DCBLD2: variants seen among roughly 807,000 people sequenced by gnomAD.
DCBLD2 encodes the protein discoidin, CUB and LCCL domain-containing protein 2.
A neutral mutation model predicts 86.8 loss-of-function variants in DCBLD2; 54 were observed. The ratio of observed to expected loss-of-function variants is 0.62; its 90% CI spans 0.50 to 0.78. The LOEUF (loss-of-function observed/expected upper bound fraction) is 0.78. Among genes scored for constraint, DCBLD2 ranks in the 30% least tolerant of loss-of-function variants. The pLI is 0.00. For synonymous variants in DCBLD2, 354 were observed against 341.3 expected, an observed-to-expected ratio of 1.04 and a Z score of -0.41; for missense variants, 908 against 954.2, an observed-to-expected ratio of 0.95 and a Z score of 0.64.
intron 3 of DCBLD2, among the ~76,000 whole-genome samples, chr3:98,846,139 T>C (rs1283358173): frequency 6.6e-6 from 1 of 152,330 alleles, no homozygotes; most frequent in East Asian, 1.9e-4. Context: ...ATTTTTATAA[T>C]GGGCTCTTGC....
chr3:98,855,548 AT>A (rs1177276471), intron 2 of DCBLD2, among the ~76,000 whole-genome samples: 5 of 152,308 alleles, frequency 3.3e-5, no homozygotes, highest in Non-Finnish European at 5.9e-5. Context: ...AAATTTTAAT[AT>A]TTTTTATGAA....
chr3:98,901,386 G>T lies in DCBLD2; in HGVS notation c.-60C>A. 3.2e-6 allele frequency: 4 copies of T among 1,262,874 alleles called. No homozygotes were observed. Among genetic ancestry groups the T allele is most frequent in the Non-Finnish European group, 4.0e-6 (4 of 1,009,812 alleles). 78.2% of individuals were successfully genotyped at this position (1,262,874 alleles called of 1,614,324 possible). A position where few individuals can be genotyped will look rare whatever the true frequency, so the allele number is the denominator to read the frequency against. ...TGCCTCGGCAGCCCCGCGCGCCTCT[G>T]GCCGCGGCACCCGACCAGGAGACGG... On this transcript the variant is annotated 5_prime_UTR_variant, in exon 1 of 16. Coordinates refer to ENST00000326840, the MANE Select transcript of DCBLD2 (RefSeq NM_080927.4).
chr3:98,897,972 AAAT>A (rs1188688379), intron 1 of DCBLD2, among the ~76,000 whole-genome samples: 28 of 152,114 alleles, frequency 1.8e-4, no homozygotes, highest in African/African-American at 6.8e-4. Context: ...ATACAATAGC[AAAT>A]ATGCTACCAG....
intron 3 of DCBLD2, among the ~76,000 whole-genome samples, chr3:98,839,204 CTTCTTTCT>C (rs1322347429): frequency 2.3e-5 from 3 of 131,316 alleles, no homozygotes; most frequent in South Asian, 2.3e-4. Flanking sequence ...TCCTTCCTTC[CTTCTTTCT>C]TTCCTTCTTT....
intron 2 of DCBLD2, among the ~76,000 whole-genome samples, chr3:98,862,931 G>T (rs920769032): frequency 3.3e-5 from 5 of 152,158 alleles, no homozygotes; most frequent in Non-Finnish European, 5.9e-5. Flanking sequence ...AAGTCAAATT[G>T]TCCCTGTTTG....
intron 3 of DCBLD2, among the ~76,000 whole-genome samples, chr3:98,838,880 A>G (rs906119477): frequency 6.6e-6 from 1 of 151,956 alleles, no homozygotes; most frequent in Non-Finnish European, 1.5e-5. Context: ...CCCCGTCTCC[A>G]CCAAAACCAG....
chr3:98,800,865 T>A, intron 14 of DCBLD2, 149 bp from the exon 15 acceptor site: 2 of 1,100,358 alleles, frequency 1.8e-6, no homozygotes, highest in Non-Finnish European at 1.3e-6. Context: ...TTTTTTTTTT[T>A]TTTTGCTGTG....
At chr3:98,828,690 A>G (rs1480871511) in intron 3 of DCBLD2, among the ~76,000 whole-genome samples, 1 of 152,208 alleles carries the variant, frequency 6.6e-6, no homozygotes, top group African/African-American at 2.4e-5. Context: ...TGACCCAGAA[A>G]TCTCACTCCT....
Position 98,901,449 on chromosome 3 carries a change from A to G in DCBLD2, c.-123T>C, listed in dbSNP as rs1014892682. The G allele has an allele frequency of 9.8e-7, 1 of 1,023,278 alleles. No individual in the cohort carries two copies. Among genetic ancestry groups the G allele is most frequent in the African/African-American group, 1.7e-5 (1 of 59,122 alleles). 63.4% of individuals were successfully genotyped at this position (1,023,278 alleles called of 1,614,324 possible). On this transcript the variant is annotated 5_prime_UTR_variant, in exon 1 of 16. Transcript: ENST00000326840. ...GAGAACAAGAGGCAGCCCTCGCCTC[A>G]CCCCGCGCCGGGACCCTTCCGCCCC...
At chr3:98,811,645 A>G in intron 10 of DCBLD2, 91 bp from the exon 11 acceptor site, 2 of 1,175,116 alleles carry the variant, frequency 1.7e-6, no homozygotes, top group Non-Finnish European at 1.2e-6. Context: ...TATTTCCTAA[A>G]GTATTTAATT....
chr3:98,900,798 G>A, intron 1 of DCBLD2: 3 of 393,044 alleles, frequency 7.6e-6, no homozygotes, highest in South Asian at 4.7e-5. Context: ...TTAACTTTAG[G>A]GGTCATTACC....
At position 98,823,074 on chromosome 3, in the gene DCBLD2, T is replaced by C. The variant is rs543208700; in HGVS notation, c.624-333A>G. 3.3e-5 allele frequency among the ~76,000 whole-genome samples: 5 copies of C among 152,284 alleles called. No homozygotes were observed. The East Asian group carries it at 9.7e-4, about 29-fold the overall frequency. ...TTTTAGTAGAGATGGGGTTTCACCA[T>C]GTTGGCCAGGCTGGTCTCAAACTCC... On this transcript the variant is annotated intron_variant, in intron 4 of 15. Transcript: ENST00000326840.
rs1364079487 is a variant in DCBLD2, at chr3:98,799,481, G to C, written c.2219C>G (p.Pro740Arg). The C allele has an allele frequency of 6.2e-7, 1 of 1,613,992 alleles. No homozygotes were observed. Among genetic ancestry groups the C allele is most frequent in the East Asian group, 2.2e-5 (1 of 44,884 alleles). The change falls in exon 16 of 16, where the codon CCA (proline) becomes CGA (arginine). Residue 740 changes from proline (P) to arginine (R), a missense_variant. Pro to Arg is a moderately radical substitution (Grantham distance 103). Coordinates refer to ENST00000326840, the MANE Select transcript of DCBLD2 (RefSeq NM_080927.4). The stretch of plus-strand genomic sequence containing the variant: ...CAATTCGTCTGGGGCAGGTAGACCT[G>C]GCTTCCCAGCTTTCGGGGTATCATA... The part of the protein sequence containing the change: ...AQYDTPKAGK[P>R]GLPAPDELVY...
intron 2 of DCBLD2, among the ~76,000 whole-genome samples, chr3:98,855,297 T>TAC (rs1190458913): frequency 6.6e-6 from 1 of 152,310 alleles, no homozygotes; most frequent in Admixed American, 6.5e-5. Context: ...ATGCCATCAG[T>TAC]ACACACACAC....
In DCBLD2 at chr3:98,798,279, T is replaced by A. The variant is rs1239734844; in HGVS notation, c.*1093A>T. ...GTTTATGGAAAACTGAAATGAAAAA[T>A]TATTTTTTCTGACTAAAAATATAAA... On this transcript the variant is annotated 3_prime_UTR_variant, in exon 16 of 16. Coordinates refer to ENST00000326840, the MANE Select transcript of DCBLD2 (RefSeq NM_080927.4). The A allele has an allele frequency of 6.6e-6, 1 of 152,172 alleles. No homozygotes were observed. Among genetic ancestry groups the A allele is most frequent in the Non-Finnish European group, 1.5e-5 (1 of 68,032 alleles). The allele number at this position is 152,172 out of a possible 1,614,324, so 9.4% of individuals were successfully genotyped here. A position where few individuals can be genotyped will look rare whatever the true frequency, so the allele number is the denominator to read the frequency against.
At chr3:98,901,079 C>T (rs1040747107) in intron 1 of DCBLD2, 43 bp downstream of exon 1, 1 of 1,536,728 alleles carries the variant, frequency 6.5e-7, no homozygotes, top group Non-Finnish European at 8.7e-7. Flanking sequence ...CCCGCAGCCC[C>T]GACGGAGGTT....
intron 2 of DCBLD2, among the ~76,000 whole-genome samples, chr3:98,852,693 G>A (rs971214268): frequency 3.9e-5 from 6 of 152,168 alleles, no homozygotes. Context: ...TCAGGTTGCA[G>A]AATTGGAAAT....
chr3:98,877,423 A>C (rs75407628), intron 2 of DCBLD2, among the ~76,000 whole-genome samples: 2,580 of 152,296 alleles, frequency 0.017, 59 homozygotes, highest in African/African-American at 0.058. Flanking sequence ...GCACTGAACA[A>C]GTAAATACAT....
At chr3:98,873,006 G>A (rs1283991593) in intron 2 of DCBLD2, among the ~76,000 whole-genome samples, 1 of 152,098 alleles carries the variant, frequency 6.6e-6, no homozygotes, top group Non-Finnish European at 1.5e-5. Context: ...TAAAAATAAA[G>A]TGATGGGCAC....
Sources: allele counts gnomAD v4.1 joint callset (sites outside exome capture counted in the v4.1 genomes callset), GRCh38; gene constraint gnomAD v4.1.1; transcripts MANE v1.5; gene names NCBI Gene and HGNC (gene_info 2026-07-23, HGNC 2026-07-21).